The following KIAA1217 variants were observed in gnomAD, a reference collection of about 807,000 sequenced individuals.
The protein encoded by KIAA1217 is sickle tail protein homolog.
In KIAA1217, 88 loss-of-function variants were observed where a neutral mutation model predicts 163.9. The observed-to-expected ratio is 0.54, with a 90% confidence interval of 0.45 to 0.64. The LOEUF is 0.64. KIAA1217 is among the 30% of genes least tolerant of loss of function. The probability of loss-of-function intolerance (pLI) is 0.00; values close to 1 mark genes in which losing one functional copy is unlikely to be tolerated. For synonymous variants in KIAA1217, 903 were observed against 923.1 expected (o/e 0.98, Z 0.39); for missense variants, 2,372 against 2,475.0 (o/e 0.96, Z 0.88).
chr10:23,901,628 G>T (rs983027981), intron 1 of KIAA1217, among the ~76,000 whole-genome samples: 2 of 152,094 alleles, frequency 1.3e-5, no homozygotes, highest in African/African-American at 4.8e-5. Context: ...GAAATATTTG[G>T]CTAGGCATGG....
At chr10:24,384,322 G>T (rs934512996) in intron 3 of KIAA1217, among the ~76,000 whole-genome samples, 2 of 151,990 alleles carry the variant, frequency 1.3e-5, no homozygotes, top group African/African-American at 4.8e-5. Context: ...CAATTTTTTA[G>T]GTTTGTAACA....
intron 1 of KIAA1217, among the ~76,000 whole-genome samples, chr10:23,822,622 C>T (rs997979789): frequency 2.0e-5 from 3 of 152,188 alleles, no homozygotes; most frequent in South Asian, 4.1e-4. Flanking sequence ...ACAAACCTCT[C>T]GTTCCATTTG....
chr10:23,796,483 C>CTGGG (rs756042848), intron 1 of KIAA1217, among the ~76,000 whole-genome samples: 55 of 152,074 alleles, frequency 3.6e-4, no homozygotes, highest in Non-Finnish European at 6.5e-4. Context: ...TCTGCCTCAG[C>CTGGG]ATTCCTAGTA....
At chr10:24,085,028 C>T (rs1265020441) in intron 2 of KIAA1217, among the ~76,000 whole-genome samples, 1 of 151,646 alleles carries the variant, frequency 6.6e-6, no homozygotes, top group Admixed American at 6.6e-5. Flanking sequence ...ATTCTCCTGC[C>T]TCAGCCTCCA....
At chr10:23,703,941 CA>C (rs1836663106) in intron 1 of KIAA1217, among the ~76,000 whole-genome samples, 1 of 148,990 alleles carries the variant, frequency 6.7e-6, no homozygotes, top group African/African-American at 2.5e-5. Flanking sequence ...AAGAGCAATA[CA>C]AAAACAAAAA....
At chr10:24,477,807 G>C (rs1459275522) in intron 6 of KIAA1217, among the ~76,000 whole-genome samples, 1 of 152,040 alleles carries the variant, frequency 6.6e-6, no homozygotes, top group Admixed American at 6.6e-5. Flanking sequence ...TTAAAAACAG[G>C]AACATCAGAA....
At chr10:24,446,549 C>G (rs146228905) in intron 5 of KIAA1217, among the ~76,000 whole-genome samples, 1 of 151,986 alleles carries the variant, frequency 6.6e-6, no homozygotes, top group Non-Finnish European at 1.5e-5. Flanking sequence ...CAAGTCATCC[C>G]GTAGTAACAA....
At chr10:23,886,873 T>C (rs1841197229) in intron 1 of KIAA1217, among the ~76,000 whole-genome samples, 1 of 151,836 alleles carries the variant, frequency 6.6e-6, no homozygotes, top group South Asian at 2.1e-4. Context: ...AATTTACAGA[T>C]AAAATGTTAG....
intron 1 of KIAA1217, among the ~76,000 whole-genome samples, chr10:23,755,468 C>A (rs1241182080): frequency 1.3e-5 from 2 of 152,086 alleles, no homozygotes; most frequent in East Asian, 3.9e-4. Context: ...TGCTAAAATT[C>A]AATACTTCTG....
chr10:23,852,318 TA>T (rs1298709344), intron 1 of KIAA1217, among the ~76,000 whole-genome samples: 1 of 152,158 alleles, frequency 6.6e-6, no homozygotes, highest in Non-Finnish European at 1.5e-5. Context: ...AAAGATCAGA[TA>T]GTTGTAGATA....
In KIAA1217 at chr10:23,833,323, C is replaced by A. The variant is rs180915006; in HGVS notation, c.-321+138089C>A. 3.0e-3 allele frequency among the ~76,000 whole-genome samples: 452 copies of A among 151,986 alleles called. 3 individuals are homozygous for A. The highest frequency in any genetic ancestry group is 0.011 in the African/African-American group (437 of 41,476). On this transcript the variant is annotated intron_variant, in intron 1 of 18. Coordinates refer to the KIAA1217 transcript ENST00000376462. The stretch of plus-strand genomic sequence containing the variant: ...CCCCTCACAACTTTCACTGAACAAC[C>A]ACAGCCTCAGTCAGCAGAGTGTGAC...
chr10:24,199,068 G>T (rs1339314420), intron 2 of KIAA1217, among the ~76,000 whole-genome samples: 1 of 152,028 alleles, frequency 6.6e-6, no homozygotes, highest in African/African-American at 2.4e-5. Flanking sequence ...AAAATTTGTA[G>T]AAAATTAGCC....
chr10:24,233,897 C>T (rs1211706423), intron 2 of KIAA1217, among the ~76,000 whole-genome samples: 3 of 152,074 alleles, frequency 2.0e-5, no homozygotes, highest in Non-Finnish European at 4.4e-5. Flanking sequence ...CTTTTTCTCC[C>T]TGCGTTCCTA....
intron 1 of KIAA1217, among the ~76,000 whole-genome samples, chr10:23,776,806 G>A (rs1377333440): frequency 1.3e-5 from 2 of 150,244 alleles, no homozygotes; most frequent in Non-Finnish European, 2.9e-5. Flanking sequence ...TCAGCCTCCT[G>A]AGTAGCTGAG....
chr10:23,726,216 A>G (rs1167347240), intron 1 of KIAA1217, among the ~76,000 whole-genome samples: 2 of 151,014 alleles, frequency 1.3e-5, no homozygotes, highest in African/African-American at 2.4e-5. Context: ...TTTCTGTAGT[A>G]TTAACCTCTA....
chr10:24,164,325 G>A (rs1564776576), intron 2 of KIAA1217, among the ~76,000 whole-genome samples: 2 of 152,310 alleles, frequency 1.3e-5, no homozygotes, highest in East Asian at 3.9e-4. Context: ...GCTTTCTCTA[G>A]CCACTAATCT....
chr10:24,255,637 TG>T, intron 2 of KIAA1217: 1 of 427,436 alleles, frequency 2.3e-6, no homozygotes, highest in Non-Finnish European at 4.7e-6. Flanking sequence ...CTGCCCCCCC[TG>T]GGGTCCCTAA....
At position 24,334,438 on chromosome 10, in the gene KIAA1217, T is replaced by A. The variant is rs199772609; in HGVS notation, c.355-46431T>A. Among the ~76,000 whole-genome samples, 20 of 82,230 alleles carry A rather than the reference T, an allele frequency of 2.4e-4. No individual in the cohort carries two copies. In the South Asian group the frequency reaches 2.7e-3, roughly 11 times the overall value. 53.9% of individuals were successfully genotyped at this position (82,230 alleles called of 152,430 possible). On this transcript the variant is annotated intron_variant, in intron 2 of 20. Transcript: ENST00000376454. ...GAGGGGTGGAGGAGGGAGGGAAGGATGGAAGGAAGGAAGGAAGGAAGGAAG... is the reference window on the plus strand; with the variant it reads ...GAGGGGTGGAGGAGGGAGGGAAGGAAGGAAGGAAGGAAGGAAGGAAGGAAG...
intron 16 of KIAA1217, 49 bp downstream of exon 16, chr10:24,533,286 C>G: frequency 6.4e-7 from 1 of 1,552,336 alleles, no homozygotes; most frequent in Non-Finnish European, 8.7e-7. Flanking sequence ...CCGCCTGGGT[C>G]TCTCCAGCCA....
Sources: gnomAD v4.1 joint callset for allele counts (sites outside exome capture counted in the v4.1 genomes callset) on GRCh38, gnomAD v4.1.1 for gene constraint, MANE v1.5 for transcripts, NCBI Gene and HGNC (gene_info 2026-07-23, HGNC 2026-07-21) for gene names.